Variants in DLG2 observed in about 807,000 individuals in gnomAD.
DLG2 encodes the protein discs large MAGUK scaffold protein 2.
A neutral mutation model predicts 132.5 loss-of-function variants in DLG2; 45 were observed. The observed-to-expected ratio is 0.34, with a 90% CI of 0.27 to 0.44. The LOEUF (loss-of-function observed/expected upper bound fraction) is 0.44. Among genes scored for constraint, DLG2 ranks in the 20% least tolerant of loss-of-function variants. The pLI is 1.00. For synonymous variants in DLG2, 424 were observed against 419.6 expected, an observed-to-expected ratio of 1.01 and a Z score of -0.13; for missense variants, 1,045 against 1,196.9, an observed-to-expected ratio of 0.87 and a Z score of 1.87.
At chr11:84,006,785 C>G (rs1431038907) in intron 11 of DLG2, among the ~76,000 whole-genome samples, 2 of 151,406 alleles carry the variant, frequency 1.3e-5, no homozygotes, top group East Asian at 3.9e-4. Flanking sequence ...TCAGTAATCA[C>G]TCATTAAAAA....
intron 19 of DLG2, among the ~76,000 whole-genome samples, chr11:83,627,544 C>A (rs926065940): frequency 4.6e-5 from 7 of 152,164 alleles, no homozygotes; most frequent in Non-Finnish European, 1.0e-4. Flanking sequence ...GACATGAACT[C>A]ATCATTTCTT....
intron 3 of DLG2, among the ~76,000 whole-genome samples, chr11:85,534,913 A>C (rs1022168301): frequency 1.3e-5 from 2 of 152,212 alleles, no homozygotes; most frequent in Admixed American, 6.5e-5. Flanking sequence ...AGAAATCTTC[A>C]CACTGTTTTC....
intron 3 of DLG2, among the ~76,000 whole-genome samples, chr11:85,566,793 T>C (rs1248249275): frequency 1.3e-5 from 2 of 152,206 alleles, no homozygotes; most frequent in African/African-American, 4.8e-5. Context: ...CTAAGAGTTT[T>C]ACAGTTTTAG....
At chr11:84,857,199 G>C (rs1028618054) in intron 6 of DLG2, among the ~76,000 whole-genome samples, 4 of 152,000 alleles carry the variant, frequency 2.6e-5, no homozygotes, top group African/African-American at 7.2e-5. Flanking sequence ...AAAGTAGGAA[G>C]TATCTAGAAG....
chr11:84,788,506 C>A (rs2073304679), intron 6 of DLG2, among the ~76,000 whole-genome samples: 1 of 152,006 alleles, frequency 6.6e-6, no homozygotes, highest in Non-Finnish European at 1.5e-5. Context: ...CCTTTGAGTG[C>A]ATTTTCTCTT....
chr11:83,563,709 T>C (rs550557431), intron 19 of DLG2, among the ~76,000 whole-genome samples: 5 of 152,326 alleles, frequency 3.3e-5, no homozygotes, highest in Non-Finnish European at 7.3e-5. Context: ...CCTTATTTTA[T>C]AGATGAGGAA....
chr11:85,274,454 A>G (rs574818497), intron 4 of DLG2, among the ~76,000 whole-genome samples: 3 of 152,358 alleles, frequency 2.0e-5, no homozygotes, highest in South Asian at 2.1e-4. Context: ...ACAGTATCCA[A>G]CTTAGTGTTT....
chr11:84,139,060 G>T (rs1215801147), intron 9 of DLG2, among the ~76,000 whole-genome samples: 1 of 151,968 alleles, frequency 6.6e-6, no homozygotes, highest in Admixed American at 6.6e-5. Context: ...CCTTTTATCA[G>T]GTTTGTATCA....
chr11:84,568,020 T>C (rs1252329586), intron 6 of DLG2, among the ~76,000 whole-genome samples: 3 of 152,186 alleles, frequency 2.0e-5, no homozygotes, highest in Non-Finnish European at 2.9e-5. Context: ...GGCAGTCATA[T>C]AGCATCCCTA....
chr11:85,221,613 T>C (rs2074649846), intron 4 of DLG2, among the ~76,000 whole-genome samples: 1 of 152,192 alleles, frequency 6.6e-6, no homozygotes, highest in Non-Finnish European at 1.5e-5. Flanking sequence ...TTTGCCAAGG[T>C]AACAAACTAT....
intron 6 of DLG2, among the ~76,000 whole-genome samples, chr11:85,100,854 C>T (rs373773318): frequency 6.6e-6 from 1 of 152,256 alleles, no homozygotes; most frequent in East Asian, 1.9e-4. Flanking sequence ...AAGAGAGGCT[C>T]ATAAACGTGA....
intron 6 of DLG2, among the ~76,000 whole-genome samples, chr11:84,912,338 G>C (rs974981408): frequency 9.2e-5 from 14 of 152,122 alleles, no homozygotes; most frequent in African/African-American, 3.4e-4. Flanking sequence ...TGTATTTTTT[G>C]GTAGAGACAG....
chr11:84,606,050 A>T (rs2099585042), intron 6 of DLG2, among the ~76,000 whole-genome samples: 1 of 152,036 alleles, frequency 6.6e-6, no homozygotes, highest in Non-Finnish European at 1.5e-5. Context: ...TTCCTAGTAG[A>T]TTGTTAGCTA....
chr11:84,934,958 C>T (rs1338449116), intron 6 of DLG2, among the ~76,000 whole-genome samples: 1 of 152,090 alleles, frequency 6.6e-6, no homozygotes, highest in Non-Finnish European at 1.5e-5. Context: ...GTTACTGGAA[C>T]TTCGAATTCA....
chr11:83,592,875 C>CA (rs1159554049), intron 19 of DLG2, among the ~76,000 whole-genome samples: 2 of 149,088 alleles, frequency 1.3e-5, no homozygotes, highest in African/African-American at 2.5e-5. Flanking sequence ...TTTATGCAGC[C>CA]AAAAAACACA....
At chr11:85,222,187 A>G (rs1188242854) in intron 4 of DLG2, among the ~76,000 whole-genome samples, 1 of 152,076 alleles carries the variant, frequency 6.6e-6, no homozygotes, top group Non-Finnish European at 1.5e-5. Context: ...GCTGGTCTCT[A>G]ACTCCTGACC....
chr11:84,516,988 T>TA (rs1212178504), intron 7 of DLG2, among the ~76,000 whole-genome samples: 1,827 of 47,246 alleles, frequency 0.039, 42 homozygotes, highest in African/African-American at 0.12. Context: ...ACTTAAAGTA[T>TA]AAAAAAAAAA....
intron 4 of DLG2, among the ~76,000 whole-genome samples, chr11:85,235,263 T>C (rs1200309885): frequency 6.6e-6 from 1 of 152,056 alleles, no homozygotes; most frequent in African/African-American, 2.4e-5. Context: ...TTTAAGTGCT[T>C]CTCAAATGTA....
chr11:85,530,397 T>A (rs1197723802), intron 3 of DLG2, among the ~76,000 whole-genome samples: 1 of 150,950 alleles, frequency 6.6e-6, no homozygotes, highest in East Asian at 2.0e-4. Context: ...CTTGGCTCAC[T>A]GCAACCTCCG....
Sources: gnomAD v4.1 joint callset for allele counts (sites outside exome capture counted in the v4.1 genomes callset) on GRCh38, gnomAD v4.1.1 for gene constraint, MANE v1.5 for transcripts, NCBI Gene and HGNC (gene_info 2026-07-23, HGNC 2026-07-21) for gene names.